Variants in SECISBP2L observed in about 807,000 individuals in gnomAD.
The protein encoded by SECISBP2L is SECIS binding protein 2 like.
In SECISBP2L, 43 loss-of-function variants were observed where a neutral mutation model predicts 114.7. The observed-to-expected ratio is 0.38, with a 90% CI of 0.29 to 0.48. SECISBP2L has a LOEUF of 0.48. Ranked by LOEUF, SECISBP2L falls within the 20% of genes least tolerant of loss-of-function variation. The pLI, the probability that SECISBP2L is intolerant of heterozygous loss-of-function variation, is 0.98. For synonymous variants in SECISBP2L, 451 were observed against 439.7 expected (o/e 1.03, Z -0.32); for missense variants, 1,136 against 1,301.1 (o/e 0.87, Z 1.95).
chr15:49,045,755 G>A (rs1186741127), intron 1 of SECISBP2L, among the ~76,000 whole-genome samples: 1 of 152,078 alleles, frequency 6.6e-6, no homozygotes, highest in Middle Eastern at 3.2e-3. Flanking sequence ...GGAAATCGTA[G>A]TATCGTTTCT....
chr15:49,010,058 G>A (rs1425098772), intron 13 of SECISBP2L, among the ~76,000 whole-genome samples: 6 of 151,158 alleles, frequency 4.0e-5, no homozygotes, highest in Admixed American at 1.3e-4. Context: ...GCTTGAACCC[G>A]GAGGTGGAGG....
chr15:48,999,371 T>C (rs1902158108), intron 16 of SECISBP2L, among the ~76,000 whole-genome samples: 1 of 152,204 alleles, frequency 6.6e-6, no homozygotes, highest in Admixed American at 6.5e-5. Flanking sequence ...GAGATGATGG[T>C]TGATAGTATC....
At chr15:49,034,859 T>G (rs533489449) in intron 3 of SECISBP2L, among the ~76,000 whole-genome samples, 16 of 152,144 alleles carry the variant, frequency 1.1e-4, no homozygotes, top group African/African-American at 3.9e-4. Flanking sequence ...AGATGGGGTT[T>G]CGCATGTTGC....
At chr15:49,017,170 T>C (rs774896178) in intron 9 of SECISBP2L, 155 bp from the exon 10 acceptor site, 2 of 703,464 alleles carry the variant, frequency 2.8e-6, no homozygotes, top group Non-Finnish European at 4.5e-6. Flanking sequence ...AGTGGGACCA[T>C]TTCAGACTGG....
intron 11 of SECISBP2L, among the ~76,000 whole-genome samples, chr15:49,014,728 T>C (rs1437511227): frequency 2.0e-5 from 3 of 148,720 alleles, no homozygotes; most frequent in Admixed American, 6.7e-5. Flanking sequence ...TAAAAAGATA[T>C]ATAATTATAT....
intron 1 of SECISBP2L, among the ~76,000 whole-genome samples, chr15:49,042,855 C>A (rs1903169622): frequency 6.6e-6 from 1 of 152,050 alleles, no homozygotes; most frequent in Admixed American, 6.6e-5. Context: ...CATGGTGAAA[C>A]CCCATCTCTA....
In SECISBP2L at chr15:49,017,691, CT is replaced by C. The variant is rs1193882441; in HGVS notation, c.1171-64del. 1.4e-5 allele frequency: 15 copies of C among 1,094,006 alleles called. No homozygotes were observed. In the East Asian group the frequency reaches 3.7e-4, roughly 27 times the overall value. 67.8% of individuals were successfully genotyped at this position (1,094,006 alleles called of 1,614,324 possible). On this transcript the variant is annotated intron_variant, in intron 8 of 17. Transcript: ENST00000559471. The stretch of plus-strand genomic sequence containing the variant: ...GCAAACTCCTAAACTTTTTATAATG[CT>C]TAGAAGTATTGAAAAATGAGGAAGT...
chr15:49,025,606 C>G (rs1296189941), intron 7 of SECISBP2L, among the ~76,000 whole-genome samples: 1 of 151,962 alleles, frequency 6.6e-6, no homozygotes, highest in African/African-American at 2.4e-5. Flanking sequence ...ACAGTCATTT[C>G]TCAAGAGAAG....
In SECISBP2L at chr15:48,992,567, C is replaced by T. The variant is rs1472633249; in HGVS notation, c.2983G>A (p.Asp995Asn). 6.2e-7 allele frequency: 1 copy of T among 1,613,948 alleles called. No individual in the cohort carries two copies. Among genetic ancestry groups the T allele is most frequent in the African/African-American group, 1.3e-5 (1 of 74,910 alleles). The change falls in exon 18 of 18, where the codon GAT (aspartate) becomes AAT (asparagine). Residue 995 changes from aspartate (D) to asparagine (N), a missense_variant. Asp to Asn is a conservative substitution (Grantham distance 23). Coordinates refer to ENST00000559471, the MANE Select transcript of SECISBP2L (RefSeq NM_001193489.2). ...PGMLEEEEDEDEEEEEDYTHE... is the reference protein window; with the variant it reads ...PGMLEEEEDENEEEEEDYTHE... The stretch of plus-strand genomic sequence containing the variant: ...GTATAATCTTCCTCCTCCTCCTCAT[C>T]TTCATCTTCTTCTTCTTCAAGCATG...
At position 49,011,753 on chromosome 15, in the gene SECISBP2L, T is replaced by C; in HGVS notation, c.1842A>G (p.Pro614=). The C allele has an allele frequency of 6.2e-7, 1 of 1,614,042 alleles. No homozygotes were observed. The highest frequency in any genetic ancestry group is 8.5e-7 in the Non-Finnish European group (1 of 1,179,940). Residue 614 remains proline, a synonymous_variant, in exon 13 of 18, where the codon CCA becomes CCG. Coordinates refer to ENST00000559471, the MANE Select transcript of SECISBP2L (RefSeq NM_001193489.2). The part of the protein sequence containing the change: ...EMHLDFIDDL[P]QEIVSQEDTG... ...TACCTTCCTGGGAAACAATCTCCTG[T>C]GGCAAGTCATCAATAAAATCTAAGT...
chr15:49,025,368 A>C (rs778602414), intron 7 of SECISBP2L, among the ~76,000 whole-genome samples: 5 of 152,196 alleles, frequency 3.3e-5, no homozygotes, highest in Non-Finnish European at 7.4e-5. Flanking sequence ...CTGCATATAC[A>C]TACTGAGGTA....
intron 16 of SECISBP2L, among the ~76,000 whole-genome samples, chr15:48,998,616 G>C (rs1902143865): frequency 6.6e-6 from 1 of 152,166 alleles, no homozygotes; most frequent in Admixed American, 6.5e-5. Flanking sequence ...GAGATGCTAG[G>C]ATCAAGGAAT....
At chr15:49,029,695 A>G (rs374950207) in intron 4 of SECISBP2L, among the ~76,000 whole-genome samples, 3 of 152,316 alleles carry the variant, frequency 2.0e-5, no homozygotes, top group African/African-American at 7.2e-5. Flanking sequence ...GGGGATGCAC[A>G]TATCCAACTT....
intron 11 of SECISBP2L, 115 bp downstream of exon 11, chr15:49,016,441 TACAC>T (rs71952937): frequency 6.2e-6 from 5 of 802,948 alleles, no homozygotes; most frequent in Non-Finnish European, 9.1e-6. Flanking sequence ...TACATATATA[TACAC>T]ACACACACAC....
chr15:48,990,809 G>C lies in SECISBP2L; in HGVS notation c.*1435C>G, dbSNP rs1901958618. The C allele has an allele frequency of 7.5e-6, 1 of 133,896 alleles. No individual in the cohort carries two copies. Among genetic ancestry groups the C allele is most frequent in the Non-Finnish European group, 1.6e-5 (1 of 64,206 alleles). The allele number at this position is 133,896 out of a possible 1,614,324, so 8.3% of individuals were successfully genotyped here. A position where few individuals can be genotyped will look rare whatever the true frequency, so the allele number is the denominator to read the frequency against. Reference sequence around the variant, plus strand: ...TGTGCCTGCTTATGGAAGCTTGTAAGTGGAAAACACACACACGTACGGATG... The same window carrying C: ...TGTGCCTGCTTATGGAAGCTTGTAACTGGAAAACACACACACGTACGGATG... On this transcript the variant is annotated 3_prime_UTR_variant, in exon 18 of 18. Transcript: ENST00000559471.
Position 48,989,007 on chromosome 15 carries a change from G to A in SECISBP2L, c.*3237C>T, listed in dbSNP as rs1195530913. On this transcript the variant is annotated 3_prime_UTR_variant, in exon 18 of 18. Coordinates refer to ENST00000559471, the MANE Select transcript of SECISBP2L (RefSeq NM_001193489.2). ...AAAGGTTGGAAGGGATGAGGGAGGA[G>A]GAAGATGTCTGTAAATAAATTATTT... 6.6e-6 allele frequency: 1 copy of A among 152,366 alleles called. No individual in the cohort carries two copies. Among genetic ancestry groups the A allele is most frequent in the African/African-American group, 2.4e-5 (1 of 41,374 alleles). 9.4% of individuals were successfully genotyped at this position (152,366 alleles called of 1,614,324 possible).
At chr15:49,015,428 G>C (rs1902517231) in intron 11 of SECISBP2L, among the ~76,000 whole-genome samples, 1 of 152,062 alleles carries the variant, frequency 6.6e-6, no homozygotes. Flanking sequence ...AACTAGATAG[G>C]TTTAAACGTT....
At position 49,009,307 on chromosome 15, in the gene SECISBP2L, G is replaced by A; in HGVS notation, c.1936C>T (p.Pro646Ser). The A allele has an allele frequency of 1.9e-6, 3 of 1,614,152 alleles. No homozygotes were observed. The highest frequency in any genetic ancestry group is 2.5e-6 in the Non-Finnish European group (3 of 1,180,002). ...CTAGCAGGAGAGCCTTGTGACACAGGTGTCATACAGTATGGAGAGTTCTGA... is the reference window on the plus strand; with the variant it reads ...CTAGCAGGAGAGCCTTGTGACACAGATGTCATACAGTATGGAGAGTTCTGA... ...ASQNSPYCMT[P>S]VSQGSPASSG... Residue 646 changes from proline (P) to serine (S), a missense_variant, in exon 14 of 18, where the codon CCT becomes TCT. This residue lies in a region of SECISBP2L where 684 missense variants were observed against 848.7 expected (regional missense o/e 0.81). Transcript: ENST00000559471.
chr15:49,030,612 A>G (rs1375948174), intron 4 of SECISBP2L, among the ~76,000 whole-genome samples: 1 of 152,202 alleles, frequency 6.6e-6, no homozygotes, highest in Non-Finnish European at 1.5e-5. Context: ...CTTTTAATAA[A>G]TAGAAATTCT....
Sources: gnomAD v4.1 joint callset for allele counts (sites outside exome capture counted in the v4.1 genomes callset) on GRCh38, gnomAD v4.1.1 for gene constraint, gnomAD v4.1.1 regional missense constraint, MANE v1.5 for transcripts, NCBI Gene and HGNC (gene_info 2026-07-23, HGNC 2026-07-21) for gene names.